ATP13A4: variants seen among roughly 807,000 people sequenced by gnomAD.
The protein encoded by ATP13A4 is probable cation-transporting ATPase 13A4.
ATP13A4 carries 114 observed loss-of-function variants against 142.5 expected under a neutral mutation model. The observed-to-expected ratio is 0.80, with a 90% CI of 0.69 to 0.93. The LOEUF is 0.93. Ranked by LOEUF, ATP13A4 falls within the 40% of genes least tolerant of loss-of-function variation. The pLI is 0.00. For missense variants in ATP13A4, 1,392 were observed against 1,454.0 expected (o/e 0.96, Z 0.69); for synonymous variants, 488 against 514.8 (o/e 0.95, Z 0.70).
At position 193,399,554 on chromosome 3, in the gene ATP13A4, G is replaced by A. The variant is rs1714196337; in HGVS notation, c.*3098C>T. ...GTCTGTCTGGTATTCTGTGTGGGTA[G>A]TAGTAGAAAATAGTTCACATCTGGT... On this transcript the variant is annotated 3_prime_UTR_variant, in exon 30 of 30. Transcript: ENST00000342695. Among the ~76,000 whole-genome samples the A allele has an allele frequency of 6.6e-6, 1 of 152,102 alleles. No individual in the cohort carries two copies. Among genetic ancestry groups the A allele is most frequent in the African/African-American group, 2.4e-5 (1 of 41,434 alleles).
At chr3:193,458,057 T>C (rs1351606391) in intron 14 of ATP13A4, among the ~76,000 whole-genome samples, 1 of 152,228 alleles carries the variant, frequency 6.6e-6, no homozygotes, top group Non-Finnish European at 1.5e-5. Context: ...CTGCAATCCC[T>C]ATTTAAAGAT....
chr3:193,409,037 C>A (rs1027226274), intron 28 of ATP13A4, among the ~76,000 whole-genome samples: 2 of 152,156 alleles, frequency 1.3e-5, no homozygotes, highest in African/African-American at 2.4e-5. Flanking sequence ...AAACTAGTGT[C>A]ATTGGTTACC....
rs573075382 is a variant in ATP13A4, at chr3:193,417,897, C to T, written c.2843-3147G>A. Among the ~76,000 whole-genome samples, 188 of 145,020 alleles carry T rather than the reference C, an allele frequency of 1.3e-3. 20 individuals are homozygous for T. The East Asian group carries it at 0.027, about 21-fold the overall frequency. ...CAGCACTTTGGGAGGCCAAGGCGGG[C>T]GGATCACAAGGTCAGGAGATCGAGA... is the stretch of plus-strand genomic sequence containing the variant. On this transcript the variant is annotated intron_variant, in intron 25 of 29. Transcript: ENST00000342695.
intron 23 of ATP13A4, among the ~76,000 whole-genome samples, chr3:193,437,383 G>A (rs1449769378): frequency 6.6e-6 from 1 of 151,844 alleles, no homozygotes; most frequent in African/African-American, 2.4e-5. Context: ...CTTAGTTTCT[G>A]GCACTAAATG....
At chr3:193,446,641 T>C (rs566817680) in intron 18 of ATP13A4, among the ~76,000 whole-genome samples, 9 of 152,228 alleles carry the variant, frequency 5.9e-5, no homozygotes, top group Non-Finnish European at 1.3e-4. Context: ...ATGTATAACA[T>C]TCAAAGTGAC....
chr3:193,467,902 G>A (rs1436337116), intron 9 of ATP13A4, among the ~76,000 whole-genome samples: 1 of 152,120 alleles, frequency 6.6e-6, no homozygotes, highest in Non-Finnish European at 1.5e-5. Context: ...TGGTGGGCTG[G>A]GCACAGTGGC....
rs1716581404 is a variant in ATP13A4 at position 193,440,730 on chromosome 3, CACTT to C, written c.2440-97_2440-94del. The stretch of plus-strand genomic sequence containing the variant: ...ACTCAGAATGTTGACTGCATCATGA[CACTT>C]ACGATGAAGAAAAAAAAAAGTTTCC... On this transcript the variant is annotated intron_variant, in intron 20 of 29. Coordinates refer to ENST00000342695, the MANE Select transcript of ATP13A4 (RefSeq NM_032279.4). 3 of 1,329,046 alleles carry C rather than the reference CACTT, an allele frequency of 2.3e-6. No homozygotes were observed. In the South Asian group the frequency reaches 3.7e-5, roughly 16 times the overall value. The allele number at this position is 1,329,046 out of a possible 1,614,324, so 82.3% of individuals were successfully genotyped here. A position where few individuals can be genotyped will look rare whatever the true frequency, so the allele number is the denominator to read the frequency against.
At chr3:193,572,433 T>C (rs993747933) in intron 2 of ATP13A4, among the ~76,000 whole-genome samples, 2 of 152,248 alleles carry the variant, frequency 1.3e-5, no homozygotes, top group African/African-American at 4.8e-5. Context: ...GTCTTGCCTT[T>C]GTTTATTAAT....
chr3:193,465,941 T>A lies in ATP13A4; in HGVS notation c.1272+84A>T, dbSNP rs139404651. On this transcript the variant is annotated intron_variant, in intron 11 of 29. Transcript: ENST00000342695. Reference sequence around the variant, plus strand: ...TTGTTTCCCAGGTTTGTAAACCACATCCTAGGTTAAGGCCAACATGCACAG... The same window carrying A: ...TTGTTTCCCAGGTTTGTAAACCACAACCTAGGTTAAGGCCAACATGCACAG... The A allele has an allele frequency of 1.1e-4, 168 of 1,559,388 alleles. 2 individuals are homozygous for A. The East Asian group carries it at 3.7e-3, about 35-fold the overall frequency.
intron 25 of ATP13A4, among the ~76,000 whole-genome samples, chr3:193,418,163 A>C (rs1459604804): frequency 5.8e-4 from 69 of 119,304 alleles, no homozygotes; most frequent in Non-Finnish European, 1.0e-3. Context: ...AAAAAAAAAA[A>C]AAAATTAGCC....
chr3:193,453,893 T>A (rs1007636860), intron 17 of ATP13A4, among the ~76,000 whole-genome samples: 1 of 152,226 alleles, frequency 6.6e-6, no homozygotes, highest in African/African-American at 2.4e-5. Flanking sequence ...GTGTTCACAC[T>A]ATCTTTGGGA....
chr3:193,479,971 A>G (rs922527037), intron 8 of ATP13A4, among the ~76,000 whole-genome samples: 22 of 152,292 alleles, frequency 1.4e-4, no homozygotes, highest in African/African-American at 5.1e-4. Context: ...CCAAACACTT[A>G]CAGCCAACTG....
intron 2 of ATP13A4, among the ~76,000 whole-genome samples, chr3:193,572,620 C>T (rs141701425): frequency 8.1e-4 from 123 of 152,270 alleles, no homozygotes; most frequent in Middle Eastern, 6.8e-3. Flanking sequence ...AGCCTGCAAG[C>T]TTCAGTCACT....
chr3:193,409,109 T>C (rs950025322), intron 28 of ATP13A4, among the ~76,000 whole-genome samples: 2 of 152,220 alleles, frequency 1.3e-5, no homozygotes, highest in Admixed American at 6.5e-5. Flanking sequence ...ACTATATGGC[T>C]TTTTAAACAT....
intron 8 of ATP13A4, among the ~76,000 whole-genome samples, chr3:193,471,213 G>GA (rs1293045368): frequency 6.6e-6 from 1 of 151,880 alleles, no homozygotes; most frequent in Admixed American, 6.6e-5. Context: ...AAAGTAATAA[G>GA]AAAAAAATAA....
At chr3:193,588,486 G>C (rs986877531) in intron 1 of ATP13A4, among the ~76,000 whole-genome samples, 2 of 152,074 alleles carry the variant, frequency 1.3e-5, no homozygotes, top group Admixed American at 1.3e-4. Flanking sequence ...TCTTCATTTA[G>C]CTTTTCATTG....
At chr3:193,492,032 C>A (rs1013158644) in intron 5 of ATP13A4, among the ~76,000 whole-genome samples, 1 of 152,278 alleles carries the variant, frequency 6.6e-6, no homozygotes, top group African/African-American at 2.4e-5. Flanking sequence ...GTGTCTTCCA[C>A]CTCGATGCTC....
intron 1 of ATP13A4, 67 bp downstream of exon 1, chr3:193,554,672 GT>G: frequency 6.8e-7 from 1 of 1,463,822 alleles, no homozygotes. Context: ...GTGTGTGTGT[GT>G]GTGTGTGTGT....
At chr3:193,480,715 A>G (rs1328157840) in intron 8 of ATP13A4, among the ~76,000 whole-genome samples, 1 of 152,172 alleles carries the variant, frequency 6.6e-6, no homozygotes, top group Non-Finnish European at 1.5e-5. Flanking sequence ...GGAAAACACT[A>G]TGGAGATTCC....
Sources: gnomAD v4.1 joint callset for allele counts (sites outside exome capture counted in the v4.1 genomes callset) on GRCh38, gnomAD v4.1.1 for gene constraint, MANE v1.5 for transcripts, NCBI Gene and HGNC (gene_info 2026-07-23, HGNC 2026-07-21) for gene names.